SNAPC1: variants seen among roughly 807,000 people sequenced by gnomAD.
SNAPC1 encodes the protein small nuclear RNA activating complex polypeptide 1, also known as snRNA-activating protein complex subunit 1.
SNAPC1 carries 42 observed loss-of-function variants against 50.1 expected under a neutral mutation model. That is an observed-to-expected ratio of 0.84 (90% confidence interval 0.65 to 1.08). SNAPC1 has a LOEUF of 1.08. Among genes scored for constraint, SNAPC1 ranks in the 50% least tolerant of loss-of-function variants. SNAPC1 has a pLI of 0.00. For synonymous variants in SNAPC1, 164 were observed against 144.2 expected, an observed-to-expected ratio of 1.14 and a Z score of -0.98; for missense variants, 477 against 427.3, an observed-to-expected ratio of 1.12 and a Z score of -1.02.
At chr14:61,765,443 A>G (rs977354790) in intron 1 of SNAPC1, among the ~76,000 whole-genome samples, 5 of 152,196 alleles carry the variant, frequency 3.3e-5, no homozygotes, top group African/African-American at 1.2e-4. Flanking sequence ...TGAGACATCA[A>G]TCAATATATG....
chr14:61,787,237 A>G (rs1219064275), intron 8 of SNAPC1, among the ~76,000 whole-genome samples: 2 of 152,196 alleles, frequency 1.3e-5, no homozygotes, highest in Non-Finnish European at 2.9e-5. Context: ...CATTTGTCCA[A>G]ACTTCTCTGT....
intron 4 of SNAPC1, among the ~76,000 whole-genome samples, chr14:61,775,669 G>A (rs2045030345): frequency 1.3e-5 from 2 of 152,158 alleles, no homozygotes; most frequent in South Asian, 4.1e-4. Flanking sequence ...CGTTACATAG[G>A]AATTTCCAGC....
intron 8 of SNAPC1, among the ~76,000 whole-genome samples, chr14:61,788,304 G>T: frequency 6.6e-6 from 1 of 152,146 alleles, no homozygotes; most frequent in East Asian, 1.9e-4. Context: ...GAATAATAAA[G>T]ACCCAAATGC....
intron 9 of SNAPC1, among the ~76,000 whole-genome samples, chr14:61,793,760 G>A (rs896391416): frequency 1.3e-5 from 2 of 149,900 alleles, no homozygotes; most frequent in African/African-American, 4.9e-5. Flanking sequence ...AGGTTCACGC[G>A]ATTCTCCTGC....
chr14:61,769,614 G>C (rs921677424), intron 4 of SNAPC1, among the ~76,000 whole-genome samples: 1 of 151,906 alleles, frequency 6.6e-6, no homozygotes, highest in Non-Finnish European at 1.5e-5. Flanking sequence ...AGCCAGGATG[G>C]TCTCGATCTC....
At chr14:61,777,206 A>G (rs1043206043) in intron 5 of SNAPC1, among the ~76,000 whole-genome samples, 2 of 143,632 alleles carry the variant, frequency 1.4e-5, no homozygotes, top group Non-Finnish European at 3.0e-5. Flanking sequence ...TTTAGAAAAG[A>G]TAAACAAGGA....
intron 1 of SNAPC1, among the ~76,000 whole-genome samples, chr14:61,766,387 G>A (rs1207566684): frequency 6.6e-6 from 1 of 152,242 alleles, no homozygotes; most frequent in African/African-American, 2.4e-5. Context: ...GATGTGTCAA[G>A]TTATAAATGA....
intron 8 of SNAPC1, among the ~76,000 whole-genome samples, chr14:61,784,404 ATTTAT>A (rs1423639672): frequency 7.9e-5 from 12 of 152,186 alleles, no homozygotes; most frequent in Admixed American, 7.9e-4. Flanking sequence ...GAAAATGTGA[ATTTAT>A]TTTAATAGTT....
chr14:61,762,846 C>T (rs1052900847), intron 1 of SNAPC1, among the ~76,000 whole-genome samples: 3 of 152,022 alleles, frequency 2.0e-5, no homozygotes, highest in Non-Finnish European at 4.4e-5. Flanking sequence ...TCCTCTCTCC[C>T]ATCTCCACCC....
intron 1 of SNAPC1, among the ~76,000 whole-genome samples, chr14:61,766,358 C>T (rs1248386113): frequency 6.6e-6 from 1 of 152,176 alleles, no homozygotes; most frequent in African/African-American, 2.4e-5. Flanking sequence ...CAATAGAAAC[C>T]GGACACAGCA....
chr14:61,788,912 A>C (rs2045132856), intron 8 of SNAPC1, among the ~76,000 whole-genome samples: 1 of 152,208 alleles, frequency 6.6e-6, no homozygotes, highest in Non-Finnish European at 1.5e-5. Context: ...TTGTCAGTCC[A>C]TACAAAGGAA....
At chr14:61,773,563 T>C (rs2045011120) in intron 4 of SNAPC1, among the ~76,000 whole-genome samples, 1 of 151,622 alleles carries the variant, frequency 6.6e-6, no homozygotes, top group African/African-American at 2.4e-5. Flanking sequence ...CCCAGCTAAT[T>C]TTTTGTATTT....
intron 5 of SNAPC1, among the ~76,000 whole-genome samples, chr14:61,777,544 A>AT (rs1321922688): frequency 1.7e-4 from 26 of 151,192 alleles, no homozygotes; most frequent in Middle Eastern, 3.4e-3. Context: ...TGCCCAACTA[A>AT]TTTTTTTTGT....
Position 61,784,105 on chromosome 14 carries a change from C to T in SNAPC1, c.976+1708C>T, listed in dbSNP as rs544622110. Among the ~76,000 whole-genome samples, 323 of 147,122 alleles carry T rather than the reference C, an allele frequency of 2.2e-3. 1 individual carries two copies. Among genetic ancestry groups the T allele is most frequent in the African/African-American group, 7.8e-3 (309 of 39,870 alleles). On this transcript the variant is annotated intron_variant, in intron 8 of 9. Transcript: ENST00000216294. ...TAATATGTCCCAGATATGATTAAGTCGTGTAACAGTAGCTTGAAGTGCACT... is the reference window on the plus strand; with the variant it reads ...TAATATGTCCCAGATATGATTAAGTTGTGTAACAGTAGCTTGAAGTGCACT...
rs1352704249 is a variant in SNAPC1, at chr14:61,776,127, C to G, written c.567C>G (p.Asn189Lys). The change falls in exon 5 of 10, where the codon AAC (asparagine) becomes AAG (lysine). Residue 189 changes from asparagine to lysine, a missense_variant. Asn to Lys is a moderately conservative substitution (Grantham distance 94). Transcript: ENST00000216294. ...TGAATGTTCATGATCATTATCAGAACATGAAACATGTAATTTCAGTTGATA... is the reference window on the plus strand; with the variant it reads ...TGAATGTTCATGATCATTATCAGAAGATGAAACATGTAATTTCAGTTGATA... ...EMLNVHDHYQ[N>K]MKHVISVDKS... is the part of the protein sequence containing the mutation. 9 of 1,605,328 alleles carry G rather than the reference C, an allele frequency of 5.6e-6. No homozygotes were observed. Among genetic ancestry groups the G allele is most frequent in the Admixed American group, 1.8e-5 (1 of 56,656 alleles).
In SNAPC1 at chr14:61,782,691, C is replaced by G. The variant is rs540708575; in HGVS notation, c.976+294C>G. Reference sequence around the variant, plus strand: ...TTGAGAGGCCTAGGTGGGCGGATCACTTGAGGTCAGGAGTTCAAGTCCAGC... The same window carrying G: ...TTGAGAGGCCTAGGTGGGCGGATCAGTTGAGGTCAGGAGTTCAAGTCCAGC... On this transcript the variant is annotated intron_variant, in intron 8 of 9. Coordinates refer to ENST00000216294, the MANE Select transcript of SNAPC1 (RefSeq NM_003082.4). Among the ~76,000 whole-genome samples the G allele has an allele frequency of 2.1e-4, 32 of 152,264 alleles. No homozygotes were observed. The South Asian group carries it at 5.0e-3, about 24-fold the overall frequency.
intron 9 of SNAPC1, 88 bp from the exon 10 acceptor site, chr14:61,794,861 G>T: frequency 1.2e-6 from 1 of 831,362 alleles, no homozygotes. Flanking sequence ...TTATCAATTA[G>T]GTATTATCAT....
chr14:61,780,836 G>A (rs2045066253), intron 7 of SNAPC1, among the ~76,000 whole-genome samples: 1 of 151,786 alleles, frequency 6.6e-6, no homozygotes, highest in Admixed American at 6.6e-5. Flanking sequence ...ACTGTAGTGT[G>A]TCTGTGGTTT....
At chr14:61,791,570 G>A (rs867696052) in intron 8 of SNAPC1, among the ~76,000 whole-genome samples, 7 of 152,088 alleles carry the variant, frequency 4.6e-5, no homozygotes, top group East Asian at 1.9e-4. Context: ...GAAATAGGCC[G>A]GGCACGGTGG....
Sources: gnomAD v4.1 joint callset for allele counts (sites outside exome capture counted in the v4.1 genomes callset) on GRCh38, gnomAD v4.1.1 for gene constraint, MANE v1.5 for transcripts, NCBI Gene and HGNC (gene_info 2026-07-23, HGNC 2026-07-21) for gene names.